CDH13: variants seen among roughly 807,000 people sequenced by gnomAD.
CDH13 encodes cadherin-13.
In CDH13, 24 loss-of-function variants were observed where a neutral mutation model predicts 63.8. That is an observed-to-expected ratio of 0.38 (90% CI 0.27 to 0.53). CDH13 has a LOEUF of 0.53. CDH13 is among the 20% of genes least tolerant of loss of function. CDH13 has a pLI of 0.85. For synonymous variants in CDH13, 503 were observed against 355.3 expected (o/e 1.42, Z -4.67); for missense variants, 1,049 against 903.1 (o/e 1.16, Z -2.07).
At chr16:83,556,422 A>T (rs751114865) in intron 7 of CDH13, among the ~76,000 whole-genome samples, 1 of 152,186 alleles carries the variant, frequency 6.6e-6, no homozygotes, top group African/African-American at 2.4e-5. Context: ...GCAGTTATGC[A>T]CCAAGCAGGA....
intron 7 of CDH13, among the ~76,000 whole-genome samples, chr16:83,571,041 C>G (rs1315111453): frequency 1.3e-5 from 2 of 149,266 alleles, no homozygotes; most frequent in African/African-American, 4.9e-5. Context: ...AGCTGCATTC[C>G]TCTCCAGCGT....
At chr16:83,423,346 GA>G (rs1424926352) in intron 6 of CDH13, among the ~76,000 whole-genome samples, 1 of 151,948 alleles carries the variant, frequency 6.6e-6, no homozygotes. Context: ...ATTCAAAGAA[GA>G]AAAAAAGCCT....
intron 2 of CDH13, among the ~76,000 whole-genome samples, chr16:82,989,581 A>G (rs141074901): frequency 3.4e-3 from 519 of 152,356 alleles, no homozygotes; most frequent in African/African-American, 0.012. Context: ...CTCTAGGCCC[A>G]GAGCCTAGAT....
intron 2 of CDH13, among the ~76,000 whole-genome samples, chr16:82,996,939 A>G (rs1395706972): frequency 6.8e-6 from 1 of 147,938 alleles, no homozygotes; most frequent in Non-Finnish European, 1.5e-5. Context: ...GATAATTACG[A>G]TGGTGTTGTT....
At chr16:82,710,071 C>G (rs940124319) in intron 1 of CDH13, among the ~76,000 whole-genome samples, 8 of 150,292 alleles carry the variant, frequency 5.3e-5, no homozygotes, top group African/African-American at 2.0e-4. Context: ...ACTACACACA[C>G]ACATACACAC....
chr16:83,334,303 C>G (rs2090541020), intron 5 of CDH13, among the ~76,000 whole-genome samples: 1 of 150,944 alleles, frequency 6.6e-6, no homozygotes, highest in Non-Finnish European at 1.5e-5. Flanking sequence ...CTCCCTCTCT[C>G]TCCCCCCTCT....
chr16:82,931,709 A>G (rs1298839049), intron 2 of CDH13, among the ~76,000 whole-genome samples: 4 of 152,276 alleles, frequency 2.6e-5, no homozygotes, highest in Middle Eastern at 3.4e-3. Flanking sequence ...ATGGCAGCAG[A>G]CAAGAGAGAA....
At chr16:83,778,335 G>C (rs1262591140) in intron 11 of CDH13, among the ~76,000 whole-genome samples, 1 of 152,204 alleles carries the variant, frequency 6.6e-6, no homozygotes, top group Non-Finnish European at 1.5e-5. Flanking sequence ...TTTGAGACCA[G>C]ACTGACCAAC....
intron 4 of CDH13, among the ~76,000 whole-genome samples, chr16:83,191,221 T>G (rs1423015148): frequency 6.9e-6 from 1 of 144,186 alleles, no homozygotes; most frequent in Non-Finnish European, 1.5e-5. Flanking sequence ...ATAATACATT[T>G]TCAGTGTTTA....
intron 2 of CDH13, among the ~76,000 whole-genome samples, chr16:83,028,692 A>G (rs945541189): frequency 2.0e-5 from 3 of 152,270 alleles, no homozygotes; most frequent in African/African-American, 7.2e-5. Flanking sequence ...ATAACTAATG[A>G]TAAAATAGAA....
intron 7 of CDH13, among the ~76,000 whole-genome samples, chr16:83,564,100 G>A (rs2075752076): frequency 1.3e-5 from 2 of 152,120 alleles, no homozygotes; most frequent in African/African-American, 4.8e-5. Flanking sequence ...CACCTTGCCT[G>A]GTGTTTTGCA....
At chr16:83,042,429 C>A (rs189502373) in intron 3 of CDH13, among the ~76,000 whole-genome samples, 2 of 152,308 alleles carry the variant, frequency 1.3e-5, no homozygotes, top group African/African-American at 4.8e-5. Context: ...TGATCTGTCA[C>A]TGTCTCCCAT....
chr16:83,733,428 A>T (rs1911233227), intron 10 of CDH13, among the ~76,000 whole-genome samples: 1 of 152,162 alleles, frequency 6.6e-6, no homozygotes, highest in Non-Finnish European at 1.5e-5. Flanking sequence ...GTTGTCTATT[A>T]GGATGCCACT....
At chr16:82,904,459 C>A (rs963677834) in intron 2 of CDH13, among the ~76,000 whole-genome samples, 1 of 152,200 alleles carries the variant, frequency 6.6e-6, no homozygotes, top group Non-Finnish European at 1.5e-5. Flanking sequence ...TGCTCTGAAT[C>A]CTTTGTCTTC....
intron 2 of CDH13, among the ~76,000 whole-genome samples, chr16:82,907,375 C>T (rs1167634834): frequency 6.6e-6 from 1 of 152,080 alleles, no homozygotes; most frequent in Admixed American, 6.6e-5. Context: ...CCTGTTTAAT[C>T]ATAATCCCTT....
intron 4 of CDH13, among the ~76,000 whole-genome samples, chr16:83,193,214 C>G (rs1160564157): frequency 6.6e-6 from 1 of 151,852 alleles, no homozygotes; most frequent in Non-Finnish European, 1.5e-5. Context: ...GATACTGAGC[C>G]ATCCTAGATG....
chr16:82,931,100 C>T (rs534781108), intron 2 of CDH13, among the ~76,000 whole-genome samples: 1 of 152,252 alleles, frequency 6.6e-6, no homozygotes, highest in South Asian at 2.1e-4. Context: ...GGAATAATTG[C>T]AAAGAGATGC....
intron 1 of CDH13, among the ~76,000 whole-genome samples, chr16:82,738,072 G>A (rs1384110760): frequency 2.0e-5 from 3 of 152,186 alleles, no homozygotes; most frequent in Non-Finnish European, 4.4e-5. Flanking sequence ...GACCTCTAGA[G>A]CTTACTGATC....
chr16:83,102,930 C>CTTTTTTTTTTTTTTTTTTTTT (rs71148812), intron 3 of CDH13, among the ~76,000 whole-genome samples: 15 of 96,928 alleles, frequency 1.5e-4, no homozygotes, highest in Non-Finnish European at 2.3e-4. Flanking sequence ...TTTTCTTTTT[C>CTTTTTTTTTTTTTTTTTTTTT]TTTTTTTTTT....
Sources: gnomAD v4.1 joint callset for allele counts (sites outside exome capture counted in the v4.1 genomes callset) on GRCh38, gnomAD v4.1.1 for gene constraint, MANE v1.5 for transcripts, NCBI Gene and HGNC (gene_info 2026-07-23, HGNC 2026-07-21) for gene names.